The following ITGA9 variants were observed in gnomAD, a reference collection of about 807,000 sequenced individuals.
ITGA9 encodes integrin subunit alpha 9.
In ITGA9, 56 loss-of-function variants were observed where a neutral mutation model predicts 127.8. The observed-to-expected ratio is 0.44, with a 90% CI of 0.35 to 0.55. ITGA9 has a LOEUF of 0.55. ITGA9 is among the 20% of genes least tolerant of loss of function. ITGA9 has a pLI of 0.00. For synonymous variants in ITGA9, 508 were observed against 514.5 expected (o/e 0.99, Z 0.17); for missense variants, 1,196 against 1,347.1 (o/e 0.89, Z 1.76).
chr3:37,681,607 T>C (rs1326750426), intron 17 of ITGA9, among the ~76,000 whole-genome samples: 1 of 152,162 alleles, frequency 6.6e-6, no homozygotes. Flanking sequence ...TAACAACTGT[T>C]CATTATACAA....
In ITGA9 at chr3:37,732,748, G is replaced by T; in HGVS notation, c.2104G>T (p.Asp702Tyr). The T allele has an allele frequency of 6.2e-7, 1 of 1,611,544 alleles. No homozygotes were observed. Among genetic ancestry groups the T allele is most frequent in the South Asian group, 1.1e-5 (1 of 89,776 alleles). The change falls in exon 19 of 28, where the codon GAC becomes TAC. Residue 702 changes from aspartate (D) to tyrosine (Y), a missense_variant. Asp to Tyr is a radical substitution (Grantham distance 160). Transcript: ENST00000264741. The stretch of plus-strand genomic sequence containing the variant: ...CATCTCCTGTGAGCTGCTGGAATCG[G>T]ACTTCCTCAAATGCAGCGTGGGATT... Reference protein sequence around the residue: ...MGISCELLESDFLKCSVGFPF... With the variant: ...MGISCELLESYFLKCSVGFPF...
At chr3:37,505,823 T>TAA (rs536253784) in intron 6 of ITGA9, among the ~76,000 whole-genome samples, 177 bp from the exon 7 acceptor site, 151 of 152,294 alleles carry the variant, frequency 9.9e-4, no homozygotes, top group African/African-American at 3.0e-3. Context: ...GAACATGACT[T>TAA]TTTGTGAGAT....
At position 37,651,181 on chromosome 3, in the gene ITGA9, TG is replaced by T. The variant is rs576776992; in HGVS notation, c.1840-2532del. Among the ~76,000 whole-genome samples, 119 of 152,314 alleles carry T rather than the reference TG, an allele frequency of 7.8e-4. No individual in the cohort carries two copies. The South Asian group carries it at 0.024, about 31-fold the overall frequency. ...ATATGTCAAACTCAGTGCTTGCCTT[TG>T]TTGGATGGAAATTCAGCAGCACTGG... On this transcript the variant is annotated intron_variant, in intron 16 of 27. Coordinates refer to ENST00000264741, the MANE Select transcript of ITGA9 (RefSeq NM_002207.3).
At position 37,819,212 on chromosome 3, in the gene ITGA9, T is replaced by C. The variant is rs1014385127; in HGVS notation, c.*223T>C. The C allele has an allele frequency of 3.4e-6, 2 of 594,290 alleles. No homozygotes were observed. Among genetic ancestry groups the C allele is most frequent in the Admixed American group, 5.8e-5 (2 of 34,242 alleles). 36.8% of individuals were successfully genotyped at this position (594,290 alleles called of 1,614,324 possible). A position where few individuals can be genotyped will look rare whatever the true frequency, so the allele number is the denominator to read the frequency against. On this transcript the variant is annotated 3_prime_UTR_variant, in exon 28 of 28. Transcript: ENST00000264741. The stretch of plus-strand genomic sequence containing the variant: ...TTCCTTTAAAGATGAACTCTGAACT[T>C]TGGAGAGTGAGCTACAGAGCCGAGC...
rs144439856 is a variant in ITGA9, at chr3:37,706,201, G to A, written c.2067+22186G>A. Among the ~76,000 whole-genome samples the A allele has an allele frequency of 5.3e-5, 8 of 152,232 alleles. No individual in the cohort carries two copies. In the East Asian group the frequency reaches 1.2e-3, roughly 22 times the overall value. On this transcript the variant is annotated intron_variant, in intron 18 of 27. Coordinates refer to ENST00000264741, the MANE Select transcript of ITGA9 (RefSeq NM_002207.3). ...CATGAGTCAGCTCCAGGAGGACCCC[G>A]TGTCCTTGACTCTTCCTTGCTGTCT...
At chr3:37,519,461 T>C (rs1411995806) in intron 11 of ITGA9, 107 bp downstream of exon 11, 2 of 905,490 alleles carry the variant, frequency 2.2e-6, no homozygotes, top group African/African-American at 1.6e-5. Flanking sequence ...AAAAACATTT[T>C]TCTTGCCTTG....
chr3:37,564,296 A>C (rs140196561), intron 15 of ITGA9, among the ~76,000 whole-genome samples: 91 of 152,318 alleles, frequency 6.0e-4, no homozygotes, highest in African/African-American at 2.1e-3. Flanking sequence ...TAATGGAAGA[A>C]CTTAGTGATG....
chr3:37,684,127 A>G (rs1347745499), intron 18 of ITGA9, 112 bp downstream of exon 18: 2 of 974,616 alleles, frequency 2.1e-6, no homozygotes, highest in Non-Finnish European at 3.3e-6. Context: ...CTTTCTGTGG[A>G]CTATCATTTA....
At chr3:37,577,291 G>A (rs1318919007) in intron 15 of ITGA9, among the ~76,000 whole-genome samples, 4 of 152,238 alleles carry the variant, frequency 2.6e-5, no homozygotes, top group Non-Finnish European at 4.4e-5. Context: ...TTGAGCCTCA[G>A]TTAATTGTTT....
At chr3:37,572,547 G>A (rs1339948938) in intron 15 of ITGA9, among the ~76,000 whole-genome samples, 1 of 152,168 alleles carries the variant, frequency 6.6e-6, no homozygotes, top group Non-Finnish European at 1.5e-5. Flanking sequence ...ATTGCTGTAA[G>A]GACCAAATAA....
rs34276307 is a variant in ITGA9, at chr3:37,775,645, C to CA, written c.2542-1732dup. On this transcript the variant is annotated intron_variant, in intron 23 of 27. Coordinates refer to ENST00000264741, the MANE Select transcript of ITGA9 (RefSeq NM_002207.3). Reference sequence around the variant, plus strand: ...TGGGCAACAGTGAGCGACTCCATCTCAAAAAAAAAAAAAAAGCAAAAGTCA... The same window carrying CA: ...TGGGCAACAGTGAGCGACTCCATCTCAAAAAAAAAAAAAAAAGCAAAAGTCA... Among the ~76,000 whole-genome samples, 655 of 125,664 alleles carry CA rather than the reference C, an allele frequency of 5.2e-3. 5 individuals are homozygous for CA. The highest frequency in any genetic ancestry group is 0.017 in the East Asian group (70 of 4,216). The allele number at this position is 125,664 out of a possible 152,430, so 82.4% of individuals were successfully genotyped here.
intron 5 of ITGA9, among the ~76,000 whole-genome samples, chr3:37,495,566 A>C (rs1698719161): frequency 6.6e-6 from 1 of 152,162 alleles, no homozygotes; most frequent in South Asian, 2.1e-4. Flanking sequence ...ACACATCCCA[A>C]ATATGACAGC....
At chr3:37,744,886 G>A (rs1390507840) in intron 22 of ITGA9, among the ~76,000 whole-genome samples, 2 of 152,254 alleles carry the variant, frequency 1.3e-5, no homozygotes, top group Non-Finnish European at 2.9e-5. Flanking sequence ...TCCCAGAGCT[G>A]GGAGAAGCCG....
chr3:37,475,971 C>T (rs2212020), intron 3 of ITGA9, among the ~76,000 whole-genome samples: 51,703 of 152,084 alleles, frequency 0.34, 8,931 homozygotes, highest in Non-Finnish European at 0.36. Flanking sequence ...GACGAACTTA[C>T]TTCATTTAGC....
chr3:37,795,160 G>A (rs751285766), intron 26 of ITGA9, among the ~76,000 whole-genome samples: 2 of 152,160 alleles, frequency 1.3e-5, no homozygotes, highest in Non-Finnish European at 2.9e-5. Context: ...ACTGCAGAGA[G>A]CATCTTGCCC....
chr3:37,766,881 T>C (rs1696786224), intron 23 of ITGA9, among the ~76,000 whole-genome samples: 3 of 152,236 alleles, frequency 2.0e-5, no homozygotes. Context: ...GGAAATTCTT[T>C]TGTGTCACTG....
At chr3:37,635,996 G>A (rs1157729547) in intron 16 of ITGA9, among the ~76,000 whole-genome samples, 2 of 151,858 alleles carry the variant, frequency 1.3e-5, no homozygotes, top group African/African-American at 2.4e-5. Flanking sequence ...ATTCCATGGT[G>A]TATATGTGCC....
At chr3:37,640,359 G>T (rs1178677420) in intron 16 of ITGA9, among the ~76,000 whole-genome samples, 4 of 152,162 alleles carry the variant, frequency 2.6e-5, no homozygotes, top group Non-Finnish European at 1.5e-5. Flanking sequence ...GATGGAGTAT[G>T]TGATGTGACG....
rs559475642 is a variant in ITGA9, at chr3:37,814,568, C to T, written c.3010-4323C>T. Among the ~76,000 whole-genome samples the T allele has an allele frequency of 6.6e-6, 1 of 151,888 alleles. No homozygotes were observed. Among genetic ancestry groups the T allele is most frequent in the Non-Finnish European group, 1.5e-5 (1 of 67,952 alleles). On this transcript the variant is annotated intron_variant, in intron 27 of 27. Transcript: ENST00000264741. The surrounding 1 kb of genome is among the most constrained non-coding windows in gnomAD (Gnocchi z 4.3). ...AACAGAGCGAGACTCCATCCCCCAC[C>T]CCCCCAAAAAAGAAACAATATTAGT...
Sources: allele counts gnomAD v4.1 joint callset (sites outside exome capture counted in the v4.1 genomes callset), GRCh38; gene constraint gnomAD v4.1.1; non-coding constraint Gnocchi (gnomAD v3.1); transcripts MANE v1.5; gene names NCBI Gene and HGNC (gene_info 2026-07-23, HGNC 2026-07-21).